Variants in ARHGEF3 observed in about 807,000 individuals in gnomAD.
The protein encoded by ARHGEF3 is Rho guanine nucleotide exchange factor 3, also known as 59.8 kDA protein.
In ARHGEF3, 28 loss-of-function variants were observed where a neutral mutation model predicts 63.2. That is an observed-to-expected ratio of 0.44 (90% CI 0.33 to 0.61). ARHGEF3 has a LOEUF of 0.61. Ranked by LOEUF, ARHGEF3 falls within the 20% of genes least tolerant of loss-of-function variation. The probability of loss-of-function intolerance (pLI) is 0.03; values close to 1 mark genes in which losing one functional copy is unlikely to be tolerated. For missense variants in ARHGEF3, 533 were observed against 659.3 expected (o/e 0.81, Z 2.10); for synonymous variants, 266 against 254.2 (o/e 1.05, Z -0.44).
chr3:56,908,629 C>T (rs2041769664), intron 3 of ARHGEF3, among the ~76,000 whole-genome samples: 1 of 152,128 alleles, frequency 6.6e-6, no homozygotes, highest in Admixed American at 6.5e-5. Flanking sequence ...AGAATGGACC[C>T]TGTATTCTGA....
chr3:56,778,884 C>CATT (rs1454180918), intron 1 of ARHGEF3, among the ~76,000 whole-genome samples: 1 of 152,094 alleles, frequency 6.6e-6, no homozygotes, highest in Non-Finnish European at 1.5e-5. Context: ...AACATGTAGA[C>CATT]ATTATTCTTA....
At chr3:56,836,764 A>G (rs752288932) in intron 4 of ARHGEF3, among the ~76,000 whole-genome samples, 116 of 152,128 alleles carry the variant, frequency 7.6e-4, no homozygotes, top group Non-Finnish European at 1.2e-3. Flanking sequence ...CATCTCTACA[A>G]AAAAATACAA....
chr3:56,975,902 C>A lies in ARHGEF3; in HGVS notation c.63-17013G>T. 7.0e-6 allele frequency: 2 copies of A among 286,220 alleles called. 1 individual carries two copies. The highest frequency in any genetic ancestry group is 6.2e-5 in the South Asian group (2 of 32,396). The allele number at this position is 286,220 out of a possible 1,614,324, so 17.7% of individuals were successfully genotyped here. On this transcript the variant is annotated intron_variant, in intron 2 of 12. Coordinates refer to the ARHGEF3 transcript ENST00000338458. Reference sequence around the variant, plus strand: ...TTTCTACATCTGCAAATAAAAATATCCATGGAGATTAATGGTAAACTTTTC... The same window carrying A: ...TTTCTACATCTGCAAATAAAAATATACATGGAGATTAATGGTAAACTTTTC...
chr3:56,996,868 C>CATTATTATTATT (rs369182475), intron 2 of ARHGEF3, among the ~76,000 whole-genome samples: 1 of 139,304 alleles, frequency 7.2e-6, no homozygotes, highest in South Asian at 2.3e-4. Context: ...TTTCTTAAAA[C>CATTATTATTATT]ATTATTATTA....
At chr3:56,828,448 C>G (rs528952934) in intron 4 of ARHGEF3, among the ~76,000 whole-genome samples, 7 of 152,104 alleles carry the variant, frequency 4.6e-5, no homozygotes, top group African/African-American at 1.7e-4. Flanking sequence ...ACAGGTGAAT[C>G]GTTTGAACCT....
At chr3:57,027,865 A>C (rs1331607995) in intron 2 of ARHGEF3, among the ~76,000 whole-genome samples, 1 of 152,186 alleles carries the variant, frequency 6.6e-6, no homozygotes, top group African/African-American at 2.4e-5. Flanking sequence ...TCTCAAAAAA[A>C]AAATCAAAGG....
At chr3:56,843,754 C>CT (rs2039392600) in intron 4 of ARHGEF3, among the ~76,000 whole-genome samples, 2 of 152,164 alleles carry the variant, frequency 1.3e-5, no homozygotes, top group East Asian at 3.9e-4. Flanking sequence ...TTCTATAATA[C>CT]TTTTTCTCAG....
chr3:56,746,149 C>T (rs2034371839), intron 6 of ARHGEF3, among the ~76,000 whole-genome samples: 1 of 152,204 alleles, frequency 6.6e-6, no homozygotes, highest in South Asian at 2.1e-4. Context: ...AATCTAAGAG[C>T]TATCAGCCTC....
At position 56,760,301 on chromosome 3, in the gene ARHGEF3, AGG is replaced by A. The variant is rs1490538608; in HGVS notation, c.205-5152_205-5151del. The stretch of plus-strand genomic sequence containing the variant: ...AACAAGGTATTATTATCAATCTGAT[AGG>A]TTAAACAACTATACCTTAATTTCAG... On this transcript the variant is annotated intron_variant, in intron 2 of 9. Transcript: ENST00000296315. Among the ~76,000 whole-genome samples, 618 of 152,322 alleles carry A rather than the reference AGG, an allele frequency of 4.1e-3. 1 individual carries two copies. The highest frequency in any genetic ancestry group is 0.014 in the African/African-American group (583 of 41,564).
At chr3:56,928,980 T>C (rs2042344247) in intron 3 of ARHGEF3, among the ~76,000 whole-genome samples, 1 of 152,154 alleles carries the variant, frequency 6.6e-6, no homozygotes, top group East Asian at 1.9e-4. Flanking sequence ...TGTCAGGATA[T>C]AGCGACCTTG....
intron 3 of ARHGEF3, among the ~76,000 whole-genome samples, chr3:56,944,647 G>T (rs540637455): frequency 2.2e-5 from 3 of 136,130 alleles, no homozygotes; most frequent in African/African-American, 7.8e-5. Context: ...TGCTATCTCA[G>T]GGCACTGCAA....
At chr3:56,802,771 A>G (rs2037721232), upstream of ARHGEF3, among the ~76,000 whole-genome samples, 1 of 152,248 alleles carries the variant, frequency 6.6e-6, no homozygotes, top group Admixed American at 6.5e-5. Context: ...TAAATGCCCA[A>G]GAAGGCGATT....
chr3:56,795,651 C>CTTTTTTTTT (rs1334745035), intron 1 of ARHGEF3, among the ~76,000 whole-genome samples: 1 of 73,780 alleles, frequency 1.4e-5, no homozygotes, highest in Non-Finnish European at 2.5e-5. Flanking sequence ...CACAGTCTCT[C>CTTTTTTTTT]TCTCTTTTTT....
chr3:56,966,303 G>A (rs988257402), intron 2 of ARHGEF3, among the ~76,000 whole-genome samples: 10 of 152,240 alleles, frequency 6.6e-5, no homozygotes, highest in African/African-American at 2.2e-4. Flanking sequence ...AATTAGGTCT[G>A]TATATGTAGG....
chr3:57,070,464 G>A (rs370362442), intron 1 of ARHGEF3, among the ~76,000 whole-genome samples: 18 of 152,310 alleles, frequency 1.2e-4, no homozygotes, highest in East Asian at 1.2e-3. Context: ...CAGACTCAAT[G>A]ACTAGGGAAG....
At chr3:56,771,692 T>C (rs927881741) in intron 2 of ARHGEF3, among the ~76,000 whole-genome samples, 11 of 152,208 alleles carry the variant, frequency 7.2e-5, no homozygotes, top group Non-Finnish European at 8.8e-5. Context: ...AAGAGCCTAA[T>C]GCCTGATGAG....
intron 3 of ARHGEF3, among the ~76,000 whole-genome samples, chr3:56,919,197 G>A (rs1461360230): frequency 2.0e-5 from 3 of 152,066 alleles, no homozygotes; most frequent in African/African-American, 4.8e-5. Flanking sequence ...TGAAATTCAG[G>A]GTTTTATGTA....
intron 1 of ARHGEF3, among the ~76,000 whole-genome samples, chr3:57,043,207 C>G (rs928619641): frequency 6.6e-6 from 1 of 151,946 alleles, no homozygotes; most frequent in Non-Finnish European, 1.5e-5. Flanking sequence ...ACCTCCACCT[C>G]CTGTGTTCAA....
chr3:56,995,639 G>C (rs1272461150), intron 2 of ARHGEF3, among the ~76,000 whole-genome samples: 4 of 98,758 alleles, frequency 4.1e-5, no homozygotes, highest in African/African-American at 1.2e-4. Flanking sequence ...GAGAGAGAGA[G>C]AGAGAGAGAG....
Sources: gnomAD v4.1 joint callset for allele counts (sites outside exome capture counted in the v4.1 genomes callset) on GRCh38, gnomAD v4.1.1 for gene constraint, MANE v1.5 for transcripts, NCBI Gene and HGNC (gene_info 2026-07-23, HGNC 2026-07-21) for gene names.